Variants in MMUT observed in about 807,000 individuals in gnomAD.
The protein encoded by MMUT is methylmalonyl-CoA mutase, also known as methylmalonyl-CoA mutase, mitochondrial.
A neutral mutation model predicts 79.9 loss-of-function variants in MMUT; 79 were observed. The observed-to-expected ratio is 0.99, with a 90% CI of 0.82 to 1.19. The LOEUF (loss-of-function observed/expected upper bound fraction) is 1.19. Among genes scored for constraint, MMUT ranks in the 50% most tolerant of loss-of-function variants. The pLI, the probability that MMUT is intolerant of heterozygous loss-of-function variation, is 0.00. For missense variants in MMUT, 860 were observed against 917.2 expected (o/e 0.94, Z 0.81); for synonymous variants, 273 against 295.7 (o/e 0.92, Z 0.79).
intron 11 of MMUT, among the ~76,000 whole-genome samples, chr6:49,437,823 A>T (rs1388355032): frequency 6.6e-6 from 1 of 151,860 alleles, no homozygotes; most frequent in Non-Finnish European, 1.5e-5. Flanking sequence ...CACTTCAGAG[A>T]GTGATTTTAC....
intron 10 of MMUT, 22 bp downstream of exon 10, chr6:49,441,818 C>T: frequency 1.2e-6 from 2 of 1,606,064 alleles, no homozygotes; most frequent in Non-Finnish European, 1.7e-6. Context: ...GAAATTCTGG[C>T]CTAAGAAACC....
At position 49,451,713 on chromosome 6, in the gene MMUT, T is replaced by A; in HGVS notation, c.1085A>T (p.Asp362Val). The A allele has an allele frequency of 6.2e-7, 1 of 1,613,558 alleles. No individual in the cohort carries two copies. ...AGTACGGACAATATTATTGTAGGGATCCTAAAATATTTGATAAAAAACAAA... is the reference window on the plus strand; with the variant it reads ...AGTACGGACAATATTATTGTAGGGAACCTAAAATATTTGATAAAAAACAAA... ...QTSGWSLTEQ[D>V]PYNNIVRTAI... Residue 362 changes from aspartate (D) to valine (V), a missense_variant and splice_region_variant, in exon 6 of 13, where the codon GAT becomes GTT. Physicochemically the swap from Asp to Val is radical, Grantham distance 152. Coordinates refer to ENST00000274813, the MANE Select transcript of MMUT (RefSeq NM_000255.4).
rs773346301 is a variant in MMUT at position 49,451,578 on chromosome 6, T to C, written c.1220A>G (p.Asn407Ser). The change falls in exon 6 of 13, where the codon AAC becomes AGC. Residue 407 changes from asparagine (N) to serine (S), a missense_variant. By Grantham distance (46) the Asn-to-Ser change is conservative. Transcript: ENST00000274813. ...TTCTTCTTGAATGATGATTTGTGTG[T>C]TCCTGGCAATTCGAGCACTTTTCAC... is the stretch of plus-strand genomic sequence containing the variant. ...PTVKSARIARNTQIIIQEESG... is the reference protein window; with the variant it reads ...PTVKSARIARSTQIIIQEESG... 3 of 1,614,158 alleles carry C rather than the reference T, an allele frequency of 1.9e-6. No individual in the cohort carries two copies. The highest frequency in any genetic ancestry group is 2.5e-6 in the Non-Finnish European group (3 of 1,180,010).
At chr6:49,456,788 G>A (rs1767701871) in intron 3 of MMUT, among the ~76,000 whole-genome samples, 1 of 152,118 alleles carries the variant, frequency 6.6e-6, no homozygotes, top group African/African-American at 2.4e-5. Context: ...TAAAATGCAT[G>A]GCTTTAAAAA....
intron 1 of MMUT, among the ~76,000 whole-genome samples, chr6:49,462,696 G>C (rs547672990): frequency 5.9e-5 from 9 of 152,166 alleles, no homozygotes; most frequent in Admixed American, 3.9e-4. Flanking sequence ...AAAACTCTTA[G>C]AAAAACCCTG....
chr6:49,459,520 A>G lies in MMUT; in HGVS notation c.-39-15T>C. The G allele has an allele frequency of 1.9e-6, 3 of 1,583,186 alleles. No individual in the cohort carries two copies. On this transcript the variant is annotated splice_polypyrimidine_tract_variant and intron_variant, in intron 1 of 12. Transcript: ENST00000274813. ...TAAGAACTGACCTAGAAAAAGAAACATAGAGTAAAAACATTTAGAAGAGGG... is the reference window on the plus strand; with the variant it reads ...TAAGAACTGACCTAGAAAAAGAAACGTAGAGTAAAAACATTTAGAAGAGGG...
At chr6:49,442,112 T>C (rs1280563268) in intron 9 of MMUT, 141 bp from the exon 10 acceptor site, 20 of 967,750 alleles carry the variant, frequency 2.1e-5, no homozygotes, top group Non-Finnish European at 2.9e-5. Flanking sequence ...TTTTAATGCA[T>C]TATGAAAGCA....
chr6:49,435,756 A>T (rs1767107547), intron 11 of MMUT, 133 bp from the exon 12 acceptor site: 1 of 961,046 alleles, frequency 1.0e-6, no homozygotes, highest in Non-Finnish European at 1.5e-6. Flanking sequence ...AGATGCCAAA[A>T]GCAATTACAA....
rs950211877 is a variant in MMUT, at chr6:49,457,788, T to C, written c.656A>G (p.Asn219Ser). 6.8e-6 allele frequency: 11 copies of C among 1,613,248 alleles called. No individual in the cohort carries two copies. The highest frequency in any genetic ancestry group is 3.3e-5 in the Admixed American group (2 of 59,982). The change falls in exon 3 of 13, where the codon AAT becomes AGT. Residue 219 changes from asparagine (N) to serine (S), a missense_variant. By Grantham distance (46) the Asn-to-Ser change is conservative. Coordinates refer to ENST00000274813, the MANE Select transcript of MMUT (RefSeq NM_000255.4). ...PKEKLTGTIQ[N>S]DILKEFMVRN... Reference sequence around the variant, plus strand: ...AACCATAAATTCCTTTAGTATATCATTTTGGATGGTACCAGTAAGCTTCTC... The same window carrying C: ...AACCATAAATTCCTTTAGTATATCACTTTGGATGGTACCAGTAAGCTTCTC...
chr6:49,445,239 A>T (rs1767381975), intron 8 of MMUT, among the ~76,000 whole-genome samples: 1 of 152,196 alleles, frequency 6.6e-6, no homozygotes, highest in African/African-American at 2.4e-5. Flanking sequence ...TTTATTTAAA[A>T]ATAATCTCGA....
chr6:49,448,727 G>T, intron 7 of MMUT, 89 bp downstream of exon 7: 1 of 1,105,816 alleles, frequency 9.0e-7, no homozygotes, highest in Non-Finnish European at 1.4e-6. Context: ...CATTATTTTT[G>T]TTTTGTTAAC....
At chr6:49,456,592 T>C (rs1211861954) in intron 3 of MMUT, among the ~76,000 whole-genome samples, 2 of 152,182 alleles carry the variant, frequency 1.3e-5, no homozygotes, top group African/African-American at 4.8e-5. Context: ...AACCAATGAC[T>C]TGGACCTCAT....
rs1414898553 is a variant in MMUT at position 49,459,235 on chromosome 6, T to C, written c.232A>G (p.Thr78Ala). Reference sequence around the variant, plus strand: ...GGAAGTTCTTCAGGTAAGTCCATAGTATCTCTCTTGGAATACAAGGGTTTT... The same window carrying C: ...GGAAGTTCTTCAGGTAAGTCCATAGCATCTCTCTTGGAATACAAGGGTTTT... ...SIKPLYSKRDTMDLPEELPGV... is the reference protein window; with the variant it reads ...SIKPLYSKRDAMDLPEELPGV... The change falls in exon 2 of 13, where the codon ACT becomes GCT. Residue 78 changes from threonine to alanine, a missense_variant. Thr to Ala is a moderately conservative substitution (Grantham distance 58, BLOSUM62 0). Transcript: ENST00000274813. The C allele has an allele frequency of 3.1e-6, 5 of 1,614,216 alleles. No individual in the cohort carries two copies. The South Asian group carries it at 4.4e-5, about 14-fold the overall frequency.
intron 12 of MMUT, 97 bp from the exon 13 acceptor site, chr6:49,431,953 A>C: frequency 7.2e-7 from 1 of 1,381,586 alleles, no homozygotes; most frequent in Non-Finnish European, 1.0e-6. Flanking sequence ...ATTACCCAAA[A>C]CCTTCTCAAC....
At chr6:49,436,599 T>C (rs1441619211) in intron 11 of MMUT, among the ~76,000 whole-genome samples, 5 of 139,814 alleles carry the variant, frequency 3.6e-5, no homozygotes, top group Non-Finnish European at 7.9e-5. Flanking sequence ...AGCGAGACTC[T>C]GTTTCAAAAA....
Position 49,435,552 on chromosome 6 carries a change from A to T in MMUT, c.2028T>A (p.Ala676=). The change falls in exon 12 of 13, where the codon GCT becomes GCA. Residue 676 remains alanine, a synonymous_variant. Transcript: ENST00000274813. ...GTTCAGGAACTAGGGTTTTATGACC[A>T]GCAGCGAGGGTGCTTATGCCCACAG... ...VHAVGISTLA[A]GHKTLVPELI... 1 of 1,614,162 alleles carries T rather than the reference A, an allele frequency of 6.2e-7. No individual in the cohort carries two copies. The highest frequency in any genetic ancestry group is 2.2e-5 in the East Asian group (1 of 44,880).
chr6:49,446,699 A>G (rs972512177), intron 8 of MMUT, among the ~76,000 whole-genome samples: 1 of 151,936 alleles, frequency 6.6e-6, no homozygotes, highest in African/African-American at 2.4e-5. Flanking sequence ...GTTAACTATT[A>G]TTGCTATATT....
chr6:49,434,355 C>A (rs374795384), intron 12 of MMUT, among the ~76,000 whole-genome samples: 1 of 151,970 alleles, frequency 6.6e-6, no homozygotes, highest in African/African-American at 2.4e-5. Flanking sequence ...CACTTTATTA[C>A]GAATCTCACA....
chr6:49,440,682 G>C (rs1194148313), intron 10 of MMUT, among the ~76,000 whole-genome samples: 2 of 151,994 alleles, frequency 1.3e-5, no homozygotes. Context: ...ATTTTACATT[G>C]AGAGCTCCAT....
Sources: gnomAD v4.1 joint callset for allele counts (sites outside exome capture counted in the v4.1 genomes callset) on GRCh38, gnomAD v4.1.1 for gene constraint, MANE v1.5 for transcripts, NCBI Gene and HGNC (gene_info 2026-07-23, HGNC 2026-07-21) for gene names.